The following GPC5 variants were observed in gnomAD, a reference collection of about 807,000 sequenced individuals.
GPC5 encodes the protein glypican 5.
GPC5 carries 47 observed loss-of-function variants against 53.9 expected under a neutral mutation model. The ratio of observed to expected loss-of-function variants is 0.87; its 90% CI spans 0.69 to 1.11. The LOEUF (loss-of-function observed/expected upper bound fraction) is 1.11, where lower values mean the gene tolerates loss of function less well. Ranked by LOEUF, GPC5 falls within the 50% of genes most tolerant of loss-of-function variation. GPC5 has a pLI of 0.00. For missense variants in GPC5, 748 were observed against 713.1 expected, an observed-to-expected ratio of 1.05 and a Z score of -0.56; for synonymous variants, 286 against 263.3, an observed-to-expected ratio of 1.09 and a Z score of -0.84.
chr13:91,739,779 T>A (rs1319394069), intron 4 of GPC5, among the ~76,000 whole-genome samples: 1 of 151,448 alleles, frequency 6.6e-6, no homozygotes, highest in East Asian at 1.9e-4. Context: ...GTTTTTGCAA[T>A]ATTCCATAGG....
intron 7 of GPC5, among the ~76,000 whole-genome samples, chr13:92,360,376 C>T (rs956725692): frequency 7.3e-5 from 11 of 151,628 alleles, no homozygotes; most frequent in Admixed American, 3.9e-4. Context: ...AAGATAAAAA[C>T]TTCATGATTG....
At chr13:92,274,508 A>G (rs1316534273) in intron 7 of GPC5, among the ~76,000 whole-genome samples, 1 of 152,066 alleles carries the variant, frequency 6.6e-6, no homozygotes. Flanking sequence ...TTTAAACTCC[A>G]TTCTCTGGAT....
At chr13:92,669,671 C>T (rs1407985436) in intron 7 of GPC5, among the ~76,000 whole-genome samples, 1 of 152,158 alleles carries the variant, frequency 6.6e-6, no homozygotes. Context: ...TTCCTTTCTG[C>T]TACCCAGGCA....
chr13:92,001,607 G>T (rs1024927840), intron 6 of GPC5, among the ~76,000 whole-genome samples: 1 of 151,924 alleles, frequency 6.6e-6, no homozygotes, highest in African/African-American at 2.4e-5. Context: ...TGAAAAAATG[G>T]CCATGTAGTA....
At chr13:92,539,980 T>C (rs1430981551) in intron 7 of GPC5, among the ~76,000 whole-genome samples, 1 of 151,996 alleles carries the variant, frequency 6.6e-6, no homozygotes, top group African/African-American at 2.4e-5. Flanking sequence ...TCTATATTAT[T>C]ATAGAAACAA....
chr13:91,692,503 T>A (rs968484521), intron 2 of GPC5, among the ~76,000 whole-genome samples: 1 of 152,206 alleles, frequency 6.6e-6, no homozygotes, highest in Non-Finnish European at 1.5e-5. Context: ...AATTAAGTAC[T>A]TAATGTGACC....
intron 1 of GPC5, among the ~76,000 whole-genome samples, chr13:91,432,226 T>TGGGGGG (rs1879537520): frequency 1.3e-5 from 2 of 149,452 alleles, no homozygotes; most frequent in African/African-American, 5.1e-5. Flanking sequence ...TGTGTGTGTG[T>TGGGGGG]GTGTGTGTGT....
intron 7 of GPC5, among the ~76,000 whole-genome samples, chr13:92,827,798 C>T (rs1467064639): frequency 6.6e-6 from 1 of 152,072 alleles, no homozygotes; most frequent in Non-Finnish European, 1.5e-5. Context: ...GAACACACCA[C>T]CAGGACTAAA....
At chr13:91,965,277 A>G (rs1029551621) in intron 6 of GPC5, among the ~76,000 whole-genome samples, 6 of 152,182 alleles carry the variant, frequency 3.9e-5, no homozygotes, top group Non-Finnish European at 7.3e-5. Context: ...TAAGTACTCA[A>G]TAATTGTTAG....
intron 1 of GPC5, among the ~76,000 whole-genome samples, chr13:91,425,569 C>T (rs1228385722): frequency 6.6e-6 from 1 of 152,198 alleles, no homozygotes; most frequent in Admixed American, 6.5e-5. Context: ...CAAGATGTGC[C>T]TCTTTCCCTT....
chr13:92,381,242 G>A (rs2043736497), intron 7 of GPC5, among the ~76,000 whole-genome samples: 1 of 152,102 alleles, frequency 6.6e-6, no homozygotes, highest in African/African-American at 2.4e-5. Flanking sequence ...AGGAGGTCTA[G>A]GGTCTGCCAT....
chr13:92,794,865 A>G (rs1416088320), intron 7 of GPC5, among the ~76,000 whole-genome samples: 1 of 151,994 alleles, frequency 6.6e-6, no homozygotes, highest in Admixed American at 6.6e-5. Context: ...CTACAAACCA[A>G]TGCTCAATGA....
At chr13:92,055,721 TTAAGA>T (rs1423929113) in intron 6 of GPC5, among the ~76,000 whole-genome samples, 3 of 152,220 alleles carry the variant, frequency 2.0e-5, no homozygotes, top group Non-Finnish European at 4.4e-5. Context: ...TTTGCATAAA[TTAAGA>T]TAAAGTAAGC....
At chr13:92,025,883 G>A (rs891342210) in intron 6 of GPC5, among the ~76,000 whole-genome samples, 6 of 152,084 alleles carry the variant, frequency 3.9e-5, no homozygotes, top group Non-Finnish European at 8.8e-5. Flanking sequence ...ACAGAAAAAT[G>A]CTGTAGTAAA....
intron 7 of GPC5, among the ~76,000 whole-genome samples, chr13:92,284,213 C>A (rs959528099): frequency 2.0e-5 from 3 of 152,140 alleles, no homozygotes; most frequent in Non-Finnish European, 2.9e-5. Flanking sequence ...CCTGAATAGA[C>A]CAATAACAGG....
intron 7 of GPC5, among the ~76,000 whole-genome samples, chr13:92,416,245 C>T (rs1157435747): frequency 6.6e-6 from 1 of 152,142 alleles, no homozygotes; most frequent in African/African-American, 2.4e-5. Flanking sequence ...TTTCTCATCA[C>T]AGAGTGTGTG....
chr13:92,863,136 T>C (rs939661427), intron 7 of GPC5, among the ~76,000 whole-genome samples: 1 of 152,160 alleles, frequency 6.6e-6, no homozygotes, highest in Non-Finnish European at 1.5e-5. Context: ...ACTTTGTAGG[T>C]AACATAATTT....
At chr13:91,987,013 G>A (rs2040414400) in intron 6 of GPC5, among the ~76,000 whole-genome samples, 1 of 152,156 alleles carries the variant, frequency 6.6e-6, no homozygotes, top group Non-Finnish European at 1.5e-5. Context: ...AAGCAAAGTA[G>A]ATAACAATCA....
rs547342099 is a variant in GPC5, at chr13:92,758,444, G to A, written c.1562-107838G>A. On this transcript the variant is annotated intron_variant, in intron 7 of 7. Transcript: ENST00000377067. ...TACGTATGTAACTAACCTGCACAAT[G>A]TGCACATGTACCCTAAAACTTAAAG... 4.7e-3 allele frequency among the ~76,000 whole-genome samples: 707 copies of A among 151,856 alleles called. 31 individuals are homozygous for A. The highest frequency in any genetic ancestry group is 0.045 in the Admixed American group (684 of 15,250).
Sources: gnomAD v4.1 joint callset for allele counts (sites outside exome capture counted in the v4.1 genomes callset) on GRCh38, gnomAD v4.1.1 for gene constraint, MANE v1.5 for transcripts, NCBI Gene and HGNC (gene_info 2026-07-23, HGNC 2026-07-21) for gene names.